The following PSKH2 variants were observed in gnomAD, a reference collection of about 807,000 sequenced individuals.
PSKH2 encodes the protein serine/threonine-protein kinase H2.
PSKH2 carries 16 observed loss-of-function variants against 22.5 expected under a neutral mutation model. The ratio of observed to expected loss-of-function variants is 0.71; its 90% CI spans 0.48 to 1.08. The LOEUF is 1.08. Among genes scored for constraint, PSKH2 ranks in the 50% least tolerant of loss-of-function variants. PSKH2 has a pLI of 0.00. For missense variants in PSKH2, 516 were observed against 492.8 expected, an observed-to-expected ratio of 1.05 and a Z score of -0.44; for synonymous variants, 188 against 184.8, an observed-to-expected ratio of 1.02 and a Z score of -0.14.
rs749386584 is a variant in PSKH2, at chr8:86,064,629, T to C, written c.188A>G (p.Tyr63Cys). ...TGTCCCAATAAGAGCTTTGATGTCA[T>C]ATCTGTTGGGAAGAAAAACCAAACA... is the stretch of plus-strand genomic sequence containing the variant. ...AKFDPRVLAR[Y>C]DIKALIGTGS... The change falls in exon 2 of 3, where the codon TAT becomes TGT. Residue 63 changes from tyrosine (Y) to cysteine (C), a missense_variant and splice_region_variant. Tyr to Cys is a radical substitution (Grantham distance 194). Transcript: ENST00000276616. 5.6e-6 allele frequency: 9 copies of C among 1,607,018 alleles called. No homozygotes were observed. In the East Asian group the frequency reaches 1.1e-4, roughly 20 times the overall value.
At chr8:86,058,047 T>A (rs1002557371) in intron 2 of PSKH2, among the ~76,000 whole-genome samples, 2 of 152,214 alleles carry the variant, frequency 1.3e-5, no homozygotes, top group African/African-American at 2.4e-5. Context: ...GAAGACCACA[T>A]AAAGATGCCT....
intron 2 of PSKH2, 76 bp from the exon 3 acceptor site, chr8:86,048,843 T>C (rs952753592): frequency 8.7e-6 from 11 of 1,268,230 alleles, no homozygotes; most frequent in Non-Finnish European, 1.2e-5. Context: ...ATCCTATTCT[T>C]AATTACATAG....
intron 2 of PSKH2, among the ~76,000 whole-genome samples, chr8:86,061,373 A>T (rs1387556987): frequency 6.6e-6 from 1 of 152,204 alleles, no homozygotes; most frequent in South Asian, 2.1e-4. Context: ...ATTCTTTCAC[A>T]TTAAAAATAA....
intron 2 of PSKH2, among the ~76,000 whole-genome samples, chr8:86,055,914 T>C (rs1304995868): frequency 6.6e-6 from 1 of 152,076 alleles, no homozygotes; most frequent in African/African-American, 2.4e-5. Flanking sequence ...CCTAAGTAGA[T>C]AGGGACCATT....
rs1280258091 is a variant in PSKH2 at position 86,048,723 on chromosome 8, T to C, written c.897A>G (p.Lys299=). 6.2e-7 allele frequency: 1 copy of C among 1,613,960 alleles called. No individual in the cohort carries two copies. The highest frequency in any genetic ancestry group is 1.7e-5 in the Admixed American group (1 of 60,012). Residue 299 remains lysine, a synonymous_variant, in exon 3 of 3, where the codon AAA becomes AAG. Transcript: ENST00000276616. ...GATGACCAGCCTCCAAAATCAGTAG[T>C]TTGTCTATAAAGTCCTTCGCCAAGT... The part of the protein sequence containing the change: ...ISHLAKDFID[K]LLILEAGHRM...
At chr8:86,060,205 T>C (rs889900993) in intron 2 of PSKH2, among the ~76,000 whole-genome samples, 40 of 152,150 alleles carry the variant, frequency 2.6e-4, no homozygotes, top group Non-Finnish European at 5.0e-4. Flanking sequence ...CAAGTCTCTG[T>C]TCCTTTCTGT....
At chr8:86,059,328 A>G (rs1209666759) in intron 2 of PSKH2, among the ~76,000 whole-genome samples, 1 of 151,158 alleles carries the variant, frequency 6.6e-6, no homozygotes, top group Non-Finnish European at 1.5e-5. Context: ...TATAGGCAAA[A>G]GAAAACCTTT....
At position 86,064,486 on chromosome 8, in the gene PSKH2, C is replaced by T. The variant is rs200650742; in HGVS notation, c.331G>A (p.Val111Ile). The T allele has an allele frequency of 1.7e-5, 28 of 1,614,014 alleles. No individual in the cohort carries two copies. Among genetic ancestry groups the T allele is most frequent in the Admixed American group, 3.3e-5 (2 of 59,992 alleles). ...TAACGATGGCTAACCCGCCGCAGGA[C>T]GCTCAGCTCAGACACGCACGCTTCT... The part of the protein sequence containing the change: ...GREACVSELS[V>I]LRRVSHRYIV... Residue 111 changes from valine to isoleucine, a missense_variant, in exon 2 of 3, where the codon GTC (valine) becomes ATC (isoleucine). Transcript: ENST00000276616.
intron 2 of PSKH2, among the ~76,000 whole-genome samples, chr8:86,058,592 C>A (rs1817736853): frequency 6.6e-6 from 1 of 152,122 alleles, no homozygotes; most frequent in Non-Finnish European, 1.5e-5. Context: ...AGTATCCCTG[C>A]CTTTAAGGAG....
chr8:86,066,200 C>CTTT (rs71574254), intron 1 of PSKH2, among the ~76,000 whole-genome samples: 2,062 of 131,434 alleles, frequency 0.016, 68 homozygotes, highest in African/African-American at 0.054. Context: ...CGCAGGTCTC[C>CTTT]TTTTTTTTTT....
Position 86,047,610 on chromosome 8 carries a change from T to C in PSKH2, c.*852A>G, listed in dbSNP as rs190907883. On this transcript the variant is annotated 3_prime_UTR_variant, in exon 3 of 3. Transcript: ENST00000276616. ...TATATCATTTTACAAAAATTTACCA[T>C]ATAAGAGATCAGGCCATATGTGACT... Among the ~76,000 whole-genome samples the C allele has an allele frequency of 1.2e-3, 179 of 152,272 alleles. No individual in the cohort carries two copies. Among genetic ancestry groups the C allele is most frequent in the African/African-American group, 4.1e-3 (169 of 41,576 alleles).
chr8:86,054,957 A>G (rs1435409582), intron 2 of PSKH2, among the ~76,000 whole-genome samples: 2 of 152,140 alleles, frequency 1.3e-5, no homozygotes, highest in African/African-American at 2.4e-5. Flanking sequence ...TCTCCAAAGA[A>G]AAAACAACGT....
At position 86,069,514 on chromosome 8, in the gene PSKH2, C is replaced by T. The variant is rs1467378316; in HGVS notation, c.109G>A (p.Glu37Lys). The T allele has an allele frequency of 1.9e-6, 3 of 1,608,356 alleles. No individual in the cohort carries two copies. Among genetic ancestry groups the T allele is most frequent in the East Asian group, 4.5e-5 (2 of 44,712 alleles). The change falls in exon 1 of 3, where the codon GAG becomes AAG. Residue 37 changes from glutamate (E) to lysine (K), a missense_variant. By Grantham distance (56) the Glu-to-Lys change is moderately conservative (BLOSUM62 1). Coordinates refer to ENST00000276616, the MANE Select transcript of PSKH2 (RefSeq NM_033126.3). The stretch of plus-strand genomic sequence containing the variant: ...CTCTGCGCCGCCTGGGCCGCCGCCT[C>T]GGGCCCAGGCCCCGCGCCTCCGACG... ...AGVGGAGPGP[E>K]AAAQAAQRIQ...
At chr8:86,069,688 C>T, upstream of PSKH2, 3 of 1,426,336 alleles carry the variant, frequency 2.1e-6, no homozygotes, top group Non-Finnish European at 2.7e-6. Flanking sequence ...CGTTCCTCCG[C>T]CCTTTATCAA....
chr8:86,057,605 T>A (rs942178665), intron 2 of PSKH2, among the ~76,000 whole-genome samples: 4 of 152,238 alleles, frequency 2.6e-5, no homozygotes, highest in Non-Finnish European at 4.4e-5. Flanking sequence ...CAGGATGGTC[T>A]CGATCTCTTG....
At chr8:86,066,255 A>G (rs1384244165) in intron 1 of PSKH2, 1 of 149,410 alleles carries the variant, frequency 6.7e-6, no homozygotes, top group Non-Finnish European at 1.5e-5. Context: ...GCTGGAGTAC[A>G]GTGGCATGAT....
intron 2 of PSKH2, among the ~76,000 whole-genome samples, chr8:86,060,497 T>A (rs577712097): frequency 6.6e-6 from 1 of 152,176 alleles, no homozygotes; most frequent in Non-Finnish European, 1.5e-5. Context: ...CATGATGATA[T>A]ACTTTTCTGA....
At chr8:86,055,061 G>T (rs570311278) in intron 2 of PSKH2, among the ~76,000 whole-genome samples, 8 of 151,966 alleles carry the variant, frequency 5.3e-5, no homozygotes, top group African/African-American at 1.7e-4. Flanking sequence ...ATTCATAACT[G>T]GTGCTTATAG....
At chr8:86,062,970 A>T (rs1334749816) in intron 2 of PSKH2, among the ~76,000 whole-genome samples, 1 of 152,150 alleles carries the variant, frequency 6.6e-6, no homozygotes. Flanking sequence ...GTTCATTTGC[A>T]TTTCTTTGGT....
Sources: gnomAD v4.1 joint callset for allele counts (sites outside exome capture counted in the v4.1 genomes callset) on GRCh38, gnomAD v4.1.1 for gene constraint, MANE v1.5 for transcripts, NCBI Gene and HGNC (gene_info 2026-07-23, HGNC 2026-07-21) for gene names.